The following PLA2G4E variants were observed in gnomAD, a reference collection of about 807,000 sequenced individuals.
PLA2G4E encodes cytosolic phospholipase A2 epsilon.
A neutral mutation model predicts 109.1 loss-of-function variants in PLA2G4E; 84 were observed. The ratio of observed to expected loss-of-function variants is 0.77; its 90% CI spans 0.65 to 0.92. The LOEUF is 0.92. Ranked by LOEUF, PLA2G4E falls within the 40% of genes least tolerant of loss-of-function variation. The pLI, the probability that PLA2G4E is intolerant of heterozygous loss-of-function variation, is 0.00. For synonymous variants in PLA2G4E, 469 were observed against 436.1 expected, an observed-to-expected ratio of 1.08 and a Z score of -0.94; for missense variants, 1,057 against 1,076.6, an observed-to-expected ratio of 0.98 and a Z score of 0.25.
At chr15:41,996,624 T>C (rs979645079) in intron 11 of PLA2G4E, among the ~76,000 whole-genome samples, 1 of 152,222 alleles carries the variant, frequency 6.6e-6, no homozygotes, top group African/African-American at 2.4e-5. Context: ...AGGCCCACCG[T>C]CTGCTCCCGT....
At chr15:42,005,433 A>T (rs2068465340) in intron 4 of PLA2G4E, among the ~76,000 whole-genome samples, 1 of 152,226 alleles carries the variant, frequency 6.6e-6, no homozygotes, top group Admixed American at 6.5e-5. Context: ...CCCCACCAGA[A>T]TGTAAGCTAG....
At chr15:42,017,893 C>T (rs1566845899) in intron 1 of PLA2G4E, among the ~76,000 whole-genome samples, 2 of 152,190 alleles carry the variant, frequency 1.3e-5, no homozygotes, top group Non-Finnish European at 2.9e-5. Flanking sequence ...TCCCATTTTC[C>T]AGTAGCCACA....
At chr15:42,049,270 C>G (rs1595582233) in intron 1 of PLA2G4E, among the ~76,000 whole-genome samples, 1 of 152,200 alleles carries the variant, frequency 6.6e-6, no homozygotes, top group Admixed American at 6.5e-5. Context: ...GCCCGAGCCT[C>G]CAGTCCACCT....
chr15:41,982,338 T>G (rs1530836), exon 20 of PLA2G4E: 6,311 of 152,242 alleles, frequency 0.041, 425 homozygotes, highest in African/African-American at 0.14. Flanking sequence ...CTGCTGACTT[T>G]GGGTTTCTCT....
intron 1 of PLA2G4E, among the ~76,000 whole-genome samples, chr15:42,024,345 A>T (rs1386708062): frequency 2.6e-5 from 4 of 152,180 alleles, no homozygotes; most frequent in African/African-American, 4.8e-5. Flanking sequence ...GGGAGGGAAC[A>T]GTTCCTTTCC....
intron 1 of PLA2G4E, among the ~76,000 whole-genome samples, chr15:42,024,528 C>T (rs1347362676): frequency 6.6e-6 from 1 of 152,178 alleles, no homozygotes; most frequent in Non-Finnish European, 1.5e-5. Flanking sequence ...GACTCTTGGC[C>T]TCAGGTAACC....
chr15:41,984,153 T>G (rs1041826006), intron 19 of PLA2G4E, among the ~76,000 whole-genome samples, 179 bp from the exon 20 acceptor site: 16 of 152,162 alleles, frequency 1.1e-4, no homozygotes, highest in African/African-American at 3.9e-4. Flanking sequence ...CCTCAGGGCG[T>G]GGTGCAGGCT....
intron 1 of PLA2G4E, among the ~76,000 whole-genome samples, chr15:42,038,134 C>T (rs550098753): frequency 7.9e-5 from 12 of 152,266 alleles, no homozygotes; most frequent in African/African-American, 2.9e-4. Context: ...ATTTTAAAAT[C>T]TGTGAAATAA....
intron 1 of PLA2G4E, among the ~76,000 whole-genome samples, chr15:42,044,623 G>A (rs1157580153): frequency 1.6e-5 from 2 of 123,106 alleles, no homozygotes; most frequent in Admixed American, 1.6e-4. Context: ...ATCACACACT[G>A]GGGCCTGTTG....
At chr15:42,006,275 GGAAAC>G (rs2068476056) in intron 3 of PLA2G4E, 154 bp from the exon 4 acceptor site, 1 of 918,874 alleles carries the variant, frequency 1.1e-6, no homozygotes, top group Non-Finnish European at 1.6e-6. Flanking sequence ...ACATTTGTAG[GGAAAC>G]GAATTAAGGA....
intron 1 of PLA2G4E, among the ~76,000 whole-genome samples, chr15:42,045,140 G>A (rs1308685045): frequency 6.6e-6 from 1 of 152,190 alleles, no homozygotes; most frequent in Admixed American, 6.5e-5. Context: ...GGAGGCCGGT[G>A]GGGAGTCTCA....
intron 1 of PLA2G4E, among the ~76,000 whole-genome samples, chr15:42,018,275 C>T (rs1410835978): frequency 6.6e-6 from 1 of 152,154 alleles, no homozygotes; most frequent in Non-Finnish European, 1.5e-5. Flanking sequence ...CTCTGATGTG[C>T]GTGTGGGAAC....
rs377091429 is a variant in PLA2G4E at position 42,010,130 on chromosome 15, TG to T, written c.257-2266del. On this transcript the variant is annotated intron_variant, in intron 2 of 19. Transcript: ENST00000399518. ...CCTTCCCTTGGCTTTTCCAGAACACTGGCCCCCCCACCCCGGGCCTGGACCA... is the reference window on the plus strand; with the variant it reads ...CCTTCCCTTGGCTTTTCCAGAACACTGCCCCCCCACCCCGGGCCTGGACCA... The T allele has an allele frequency of 1.8e-4, 79 of 448,888 alleles. 4 individuals are homozygous for T. The highest frequency in any genetic ancestry group is 1.7e-3 in the African/African-American group (59 of 34,408). The allele number at this position is 448,888 out of a possible 1,614,324, so 27.8% of individuals were successfully genotyped here. A position where few individuals can be genotyped will look rare whatever the true frequency, so the allele number is the denominator to read the frequency against.
chr15:42,040,456 G>T (rs892745570), intron 1 of PLA2G4E, among the ~76,000 whole-genome samples: 1 of 152,176 alleles, frequency 6.6e-6, no homozygotes, highest in African/African-American at 2.4e-5. Flanking sequence ...TACTGGTATT[G>T]TTTTATCATT....
At position 42,025,181 on chromosome 15, in the gene PLA2G4E, G is replaced by A. The variant is rs531980347; in HGVS notation, c.184-11424C>T. Among the ~76,000 whole-genome samples the A allele has an allele frequency of 2.0e-5, 3 of 146,722 alleles. No homozygotes were observed. The South Asian group carries it at 6.5e-4, about 32-fold the overall frequency. ...ACTGCACTCCAGCCTGGGAGACAGA[G>A]TGAAACTCTGTCTCAAAAAAGAAAA... On this transcript the variant is annotated intron_variant, in intron 1 of 19. Coordinates refer to ENST00000399518, the Ensembl canonical transcript of PLA2G4E.
intron 1 of PLA2G4E, among the ~76,000 whole-genome samples, chr15:42,035,589 C>T (rs1302429066): frequency 6.6e-6 from 1 of 152,200 alleles, no homozygotes; most frequent in East Asian, 1.9e-4. Context: ...AAATGGAAAT[C>T]ATGTCATATG....
chr15:42,007,312 T>A (rs376901419), intron 3 of PLA2G4E, among the ~76,000 whole-genome samples: 1 of 151,814 alleles, frequency 6.6e-6, no homozygotes, highest in Admixed American at 6.6e-5. Context: ...CCCAAAGAAA[T>A]GGAAATAATA....
In PLA2G4E at chr15:42,014,809, G is replaced by A. The variant is rs554350104; in HGVS notation, c.184-1052C>T. On this transcript the variant is annotated intron_variant, in intron 1 of 19. Transcript: ENST00000399518. ...CCTTGTGGAGTCTTGGCTGGTCTGCGATGACCTCTCTTTCCTGATGGCAAA... is the reference window on the plus strand; with the variant it reads ...CCTTGTGGAGTCTTGGCTGGTCTGCAATGACCTCTCTTTCCTGATGGCAAA... Among the ~76,000 whole-genome samples, 21 of 152,250 alleles carry A rather than the reference G, an allele frequency of 1.4e-4. No homozygotes were observed. In the South Asian group the frequency reaches 4.4e-3, roughly 32 times the overall value.
chr15:41,992,781 T>C (rs766564033), exon 13 of PLA2G4E: 13 of 1,613,024 alleles, frequency 8.1e-6, no homozygotes, highest in Non-Finnish European at 1.1e-5. Flanking sequence ...CAGAAGTCTG[T>C]AAAGGTGACC....
Sources: gnomAD v4.1 joint callset for allele counts (sites outside exome capture counted in the v4.1 genomes callset) on GRCh38, gnomAD v4.1.1 for gene constraint, MANE v1.5 for transcripts, NCBI Gene and HGNC (gene_info 2026-07-23, HGNC 2026-07-21) for gene names.